Variants in CAPN12 observed in about 807,000 individuals in gnomAD.
CAPN12 encodes the protein calpain-12.
In CAPN12, 107 loss-of-function variants were observed where a neutral mutation model predicts 95.0. That is an observed-to-expected ratio of 1.13 (90% confidence interval 0.96 to 1.32). The LOEUF is 1.32. Among genes scored for constraint, CAPN12 ranks in the 40% most tolerant of loss-of-function variants. The probability of loss-of-function intolerance (pLI) is 0.00; values close to 1 mark genes in which losing one functional copy is unlikely to be tolerated. For synonymous variants in CAPN12, 505 were observed against 415.5 expected (o/e 1.22, Z -2.62); for missense variants, 1,136 against 997.8 (o/e 1.14, Z -1.87).
At chr19:38,742,134 G>A (rs2145266082) in intron 3 of CAPN12, 1 of 634,050 alleles carries the variant, frequency 1.6e-6, no homozygotes. Context: ...GACCAGCCTG[G>A]CTAAGATGGT....
rs923351280 is a variant in CAPN12 at position 38,730,715 on chromosome 19, C to T, written c.*137G>A. 6.4e-6 allele frequency: 7 copies of T among 1,093,884 alleles called. No homozygotes were observed. Among genetic ancestry groups the T allele is most frequent in the East Asian group, 5.2e-5 (2 of 38,762 alleles). 67.8% of individuals were successfully genotyped at this position (1,093,884 alleles called of 1,614,324 possible). A position where few individuals can be genotyped will look rare whatever the true frequency, so the allele number is the denominator to read the frequency against. On this transcript the variant is annotated 3_prime_UTR_variant, in exon 21 of 21. Transcript: ENST00000328867. ...ACGCAGGCCAGAGTGGTCACCCGGC[C>T]GTGAGCAGTGAGGGCCAGAGACTAG...
In CAPN12 at chr19:38,730,243, T is replaced by G. The variant is rs1443309954; in HGVS notation, c.*609A>C. ...TACGGATTTATTATATAAATATATA[T>G]TCACCTAGCAACATATCTCTGCCGT... On this transcript the variant is annotated 3_prime_UTR_variant, in exon 21 of 21. Coordinates refer to ENST00000328867, the MANE Select transcript of CAPN12 (RefSeq NM_144691.4). The G allele has an allele frequency of 1.9e-5, 3 of 158,216 alleles. No individual in the cohort carries two copies. Among genetic ancestry groups the G allele is most frequent in the Non-Finnish European group, 4.2e-5 (3 of 71,494 alleles). 9.8% of individuals were successfully genotyped at this position (158,216 alleles called of 1,614,324 possible).
Position 38,737,192 on chromosome 19 carries a change from G to C in CAPN12, c.1326C>G (p.Gly442=), listed in dbSNP as rs1357426521. ...GGAAGCCAACGGTGAGGTAAGTGAGGCCCTTGGCTCTCAGGCGCCGCCGGT... is the reference window on the plus strand; with the variant it reads ...GGAAGCCAACGGTGAGGTAAGTGAGCCCCTTGGCTCTCAGGCGCCGCCGGT... ...QRNRRRLRAK[G]LTYLTVGFHV... is the part of the protein sequence containing the mutation. Residue 442 remains glycine (G), a synonymous_variant, in exon 10 of 21, where the codon GGC becomes GGG. Transcript: ENST00000328867. 1.9e-6 allele frequency: 3 copies of C among 1,548,984 alleles called. No homozygotes were observed. The highest frequency in any genetic ancestry group is 3.9e-5 in the Admixed American group (2 of 51,020).
At chr19:38,734,668 A>G in intron 15 of CAPN12, 145 bp downstream of exon 15, 1 of 731,744 alleles carries the variant, frequency 1.4e-6, no homozygotes, top group Non-Finnish European at 2.2e-6. Context: ...GATCCCCTGC[A>G]GGGAGATGCT....
intron 4 of CAPN12, among the ~76,000 whole-genome samples, chr19:38,740,425 G>T (rs1034603907): frequency 6.6e-6 from 1 of 152,010 alleles, no homozygotes; most frequent in African/African-American, 2.4e-5. Flanking sequence ...CAAACTCCCG[G>T]GTTCAAGCGA....
At position 38,736,562 on chromosome 19, in the gene CAPN12, A is replaced by G; in HGVS notation, c.1364T>C (p.Ile455Thr). 2 of 1,557,086 alleles carry G rather than the reference A, an allele frequency of 1.3e-6. No individual in the cohort carries two copies. The highest frequency in any genetic ancestry group is 1.7e-6 in the Non-Finnish European group (2 of 1,150,480). The change falls in exon 11 of 21, where the codon ATT becomes ACT. Residue 455 changes from isoleucine (I) to threonine (T), a missense_variant and splice_region_variant. Physicochemically the swap from Ile to Thr is moderately conservative, Grantham distance 89 (BLOSUM62 -1). Coordinates refer to ENST00000328867, the MANE Select transcript of CAPN12 (RefSeq NM_144691.4). ...YLTVGFHVFQ[I>T]PEELLGLWDS... Reference sequence around the variant, plus strand: ...CCATCCCAGACTCACCTCCTCTGGAATCTGAAAGAAGCAAGAGCAAGGGGC... The same window carrying G: ...CCATCCCAGACTCACCTCCTCTGGAGTCTGAAAGAAGCAAGAGCAAGGGGC...
rs955658232 is a variant in CAPN12, at chr19:38,736,165, C to T, written c.1528G>A (p.Gly510Ser). The change falls in exon 12 of 21, where the codon GGC becomes AGC. Residue 510 changes from glycine (G) to serine (S), a missense_variant. Coordinates refer to ENST00000328867, the MANE Select transcript of CAPN12 (RefSeq NM_144691.4). The stretch of plus-strand genomic sequence containing the variant: ...CGCAGAGTGAAGTCAGCCTCGTCGC[C>T]GGCGTGGGCGGTGCTCGGCACCACC... ...YLVVPSTAHA[G>S]DEADFTLRVF... The T allele has an allele frequency of 6.6e-6, 10 of 1,513,240 alleles. No individual in the cohort carries two copies. The highest frequency in any genetic ancestry group is 2.1e-5 in the Admixed American group (1 of 48,444). 93.7% of individuals were successfully genotyped at this position (1,513,240 alleles called of 1,614,324 possible).
Position 38,731,185 on chromosome 19 carries a change from T to TG in CAPN12, c.1995dup (p.Ser666GlnfsTer6), listed in dbSNP as rs376818649. 6.2e-7 allele frequency: 1 copy of TG among 1,612,932 alleles called. No individual in the cohort carries two copies. Among genetic ancestry groups the TG allele is most frequent in the Non-Finnish European group, 8.5e-7 (1 of 1,179,986 alleles). ...CGCAGACGGCTATCCCGGTAGCGGCTGGTGAGGGTCTGGGTCAGCTGGTTG... is the reference window on the plus strand; with the variant it reads ...CGCAGACGGCTATCCCGGTAGCGGCTGGGTGAGGGTCTGGGTCAGCTGGTTG... On this transcript the variant is annotated frameshift_variant, in exon 19 of 21. Transcript: ENST00000328867. LOFTEE classifies it high-confidence loss of function.
At position 38,730,198 on chromosome 19, in the gene CAPN12, TA is replaced by T. The variant is rs1969466245; in HGVS notation, c.*653del. 1.3e-5 allele frequency: 2 copies of T among 156,200 alleles called. No homozygotes were observed. Among genetic ancestry groups the T allele is most frequent in the Non-Finnish European group, 2.8e-5 (2 of 70,738 alleles). 9.7% of individuals were successfully genotyped at this position (156,200 alleles called of 1,614,324 possible). A position where few individuals can be genotyped will look rare whatever the true frequency, so the allele number is the denominator to read the frequency against. ...AAAGAATTAAAAACTTTCAGAGAATTACTATTTACTTTATTAACTTACGGAT... is the reference window on the plus strand; with the variant it reads ...AAAGAATTAAAAACTTTCAGAGAATTCTATTTACTTTATTAACTTACGGAT... On this transcript the variant is annotated 3_prime_UTR_variant, in exon 21 of 21. Transcript: ENST00000328867.
rs574984555 is a variant in CAPN12 at position 38,730,735 on chromosome 19, G to A, written c.*117C>T. ...CCGGCCGTGAGCAGTGAGGGCCAGA[G>A]ACTAGCCCCAGACAGGTGGATGCCA... On this transcript the variant is annotated 3_prime_UTR_variant, in exon 21 of 21. Transcript: ENST00000328867. 1 of 1,314,828 alleles carries A rather than the reference G, an allele frequency of 7.6e-7. No homozygotes were observed. Among genetic ancestry groups the A allele is most frequent in the South Asian group, 1.3e-5 (1 of 77,752 alleles). 81.4% of individuals were successfully genotyped at this position (1,314,828 alleles called of 1,614,324 possible).
At chr19:38,732,051 A>T (rs1359717791) in intron 18 of CAPN12, among the ~76,000 whole-genome samples, 3 of 152,344 alleles carry the variant, frequency 2.0e-5, no homozygotes, top group African/African-American at 7.2e-5. Flanking sequence ...AGGACCCGAG[A>T]AGGCGCTGGA....
rs547082558 is a variant in CAPN12, at chr19:38,731,210, G to A, written c.1971C>T (p.Asn657=). The change falls in exon 19 of 21, where the codon AAC becomes AAT. Residue 657 remains asparagine, a synonymous_variant. Transcript: ENST00000328867. ...LALNAAGFHL[N]NQLTQTLTSR... is the part of the protein sequence containing the mutation. ...TGGTGAGGGTCTGGGTCAGCTGGTT[G>A]TTCAGGTGGAAGCCTAGGGGGAGGC... 3 of 1,612,710 alleles carry A rather than the reference G, an allele frequency of 1.9e-6. No individual in the cohort carries two copies. In the South Asian group the frequency reaches 3.3e-5, roughly 18 times the overall value.
At chr19:38,740,926 T>C (rs1970510519) in intron 4 of CAPN12, among the ~76,000 whole-genome samples, 2 of 151,870 alleles carry the variant, frequency 1.3e-5, no homozygotes, top group Admixed American at 1.3e-4. Context: ...ATGGGAGAGC[T>C]GTGTTAGAAT....
In CAPN12 at chr19:38,744,037, C is replaced by A. The variant is rs1260455871; in HGVS notation, c.129G>T (p.Gly43=). Residue 43 remains glycine, a synonymous_variant, in exon 1 of 21, where the codon GGG becomes GGT. Coordinates refer to ENST00000328867, the MANE Select transcript of CAPN12 (RefSeq NM_144691.4). ...GGAAGTAAGGGTCGCGGAACAGGAT[C>A]CCCGAATCCAGGCAGGCTGCCCGAA... ...EAIRAACLDS[G]ILFRDPYFPA... 3 of 1,614,228 alleles carry A rather than the reference C, an allele frequency of 1.9e-6. No individual in the cohort carries two copies. Among genetic ancestry groups the A allele is most frequent in the African/African-American group, 2.7e-5 (2 of 75,068 alleles).
At chr19:38,731,411 C>T (rs983810159) in intron 18 of CAPN12, 188 bp from the exon 19 acceptor site, 26 of 616,966 alleles carry the variant, frequency 4.2e-5, no homozygotes, top group Admixed American at 3.7e-4. Flanking sequence ...ATCCATCAAA[C>T]GGACTAAGAC....
chr19:38,741,747 G>A (rs1331574123), intron 4 of CAPN12, 30 bp downstream of exon 4: 2 of 1,612,254 alleles, frequency 1.2e-6, no homozygotes, highest in Non-Finnish European at 1.7e-6. Context: ...GGGACTTAGG[G>A]CTGCAGCTGG....
intron 2 of CAPN12, 51 bp from the exon 3 acceptor site, chr19:38,742,579 G>T (rs539759736): frequency 2.3e-6 from 3 of 1,328,484 alleles, no homozygotes; most frequent in East Asian, 2.4e-5. Flanking sequence ...GAGGCCTGGT[G>T]CGGTGGCTCA....
chr19:38,741,670 T>G (rs2145261632), intron 4 of CAPN12, 107 bp downstream of exon 4: 1 of 1,376,048 alleles, frequency 7.3e-7, no homozygotes. Flanking sequence ...GGATTCTTGG[T>G]GGGGTGTTTG....
Position 38,730,650 on chromosome 19 carries a change from C to A in CAPN12, c.*202G>T. On this transcript the variant is annotated 3_prime_UTR_variant, in exon 21 of 21. Transcript: ENST00000328867. ...CGTGGACTAGCTCGTGTCATCTGCTCGAGAAGGGCTGTCGCTGTTCTTGTT... is the reference window on the plus strand; with the variant it reads ...CGTGGACTAGCTCGTGTCATCTGCTAGAGAAGGGCTGTCGCTGTTCTTGTT... The A allele has an allele frequency of 1.6e-6, 1 of 642,594 alleles. No homozygotes were observed. Among genetic ancestry groups the A allele is most frequent in the South Asian group, 1.8e-5 (1 of 54,122 alleles). 39.8% of individuals were successfully genotyped at this position (642,594 alleles called of 1,614,324 possible). A position where few individuals can be genotyped will look rare whatever the true frequency, so the allele number is the denominator to read the frequency against.
Sources: gnomAD v4.1 joint callset for allele counts (sites outside exome capture counted in the v4.1 genomes callset) on GRCh38, gnomAD v4.1.1 for gene constraint, MANE v1.5 for transcripts, NCBI Gene and HGNC (gene_info 2026-07-23, HGNC 2026-07-21) for gene names.